The following FCRL6 variants were observed in gnomAD, a reference collection of about 807,000 sequenced individuals.
FCRL6 encodes the protein Fc receptor like 6.
FCRL6 carries 50 observed loss-of-function variants against 49.1 expected under a neutral mutation model. The observed-to-expected ratio is 1.02, with a 90% CI of 0.81 to 1.29. FCRL6 has a LOEUF of 1.29. Ranked by LOEUF, FCRL6 falls within the 50% of genes most tolerant of loss-of-function variation. The pLI is 0.00. For missense variants in FCRL6, 571 were observed against 518.5 expected (o/e 1.10, Z -0.98); for synonymous variants, 213 against 199.6 (o/e 1.07, Z -0.57).
rs776602903 is a variant in FCRL6, at chr1:159,815,447, C to T, written c.1167C>T (p.Thr389=). The change falls in exon 9 of 10, where the codon ACC becomes ACT. Residue 389 remains threonine, a synonymous_variant. Coordinates refer to ENST00000368106, the MANE Select transcript of FCRL6 (RefSeq NM_001004310.3). ...KRSEARSAEF[T]VGRKDSSIIC... is the part of the protein sequence containing the mutation. ...CCACAGCCAGGTCTGCTGAGTTCAC[C>T]GTGGGGAGAAAGGTGAGCTGGGATC... is the stretch of plus-strand genomic sequence containing the variant. 57 of 1,614,088 alleles carry T rather than the reference C, an allele frequency of 3.5e-5. No homozygotes were observed. The highest frequency in any genetic ancestry group is 4.2e-5 in the Non-Finnish European group (49 of 1,179,956).
chr1:159,808,530 C>A (rs1176786507), intron 3 of FCRL6, 86 bp downstream of exon 3: 2 of 1,526,886 alleles, frequency 1.3e-6, no homozygotes, highest in East Asian at 2.3e-5. Flanking sequence ...CTGGGCTGGA[C>A]CCCTGTCTCT....
chr1:159,813,057 G>A (rs923264323), intron 6 of FCRL6, among the ~76,000 whole-genome samples: 11 of 152,190 alleles, frequency 7.2e-5, no homozygotes, highest in Admixed American at 5.9e-4. Context: ...CAAAGAATTA[G>A]GAAGAGAGGT....
At chr1:159,811,218 C>G (rs1441199240) in intron 6 of FCRL6, among the ~76,000 whole-genome samples, 2 of 152,214 alleles carry the variant, frequency 1.3e-5, no homozygotes, top group African/African-American at 4.8e-5. Context: ...TATTCCAACT[C>G]TAACCTTTGC....
rs1246671412 is a variant in FCRL6 at position 159,809,021 on chromosome 1, T to C, written c.380T>C (p.Leu127Pro). The C allele has an allele frequency of 4.3e-6, 7 of 1,614,000 alleles. No individual in the cohort carries two copies. Among genetic ancestry groups the C allele is most frequent in the Middle Eastern group, 1.7e-4 (1 of 6,060 alleles). ...TCTCCTGAGCCCCGAGAGGGTAGCCTGGTGACCCTGAGATGTCAGACAAAG... is the reference window on the plus strand; with the variant it reads ...TCTCCTGAGCCCCGAGAGGGTAGCCCGGTGACCCTGAGATGTCAGACAAAG... The part of the protein sequence containing the change: ...IPSPEPREGS[L>P]VTLRCQTKLH... The change falls in exon 4 of 10, where the codon CTG becomes CCG. Residue 127 changes from leucine to proline, a missense_variant. Coordinates refer to ENST00000368106, the MANE Select transcript of FCRL6 (RefSeq NM_001004310.3).
In FCRL6 at chr1:159,802,361, TCTGCCGGCTTCGCC is replaced by T. The variant is rs1169325063; in HGVS notation, c.-60_-47del. ...CTTCGGTCCTGAGGCCTGGTTGCTCTCTGCCGGCTTCGCCCTGACCTGTTTCTGACCTGTGTTCC... is the reference window on the plus strand; with the variant it reads ...CTTCGGTCCTGAGGCCTGGTTGCTCTCTGACCTGTTTCTGACCTGTGTTCC... On this transcript the variant is annotated 5_prime_UTR_variant, in exon 1 of 10. Coordinates refer to ENST00000368106, the MANE Select transcript of FCRL6 (RefSeq NM_001004310.3). 3.7e-6 allele frequency: 6 copies of T among 1,602,006 alleles called. No homozygotes were observed. Among genetic ancestry groups the T allele is most frequent in the Non-Finnish European group, 5.1e-6 (6 of 1,172,670 alleles).
rs1571100217 is a variant in FCRL6, at chr1:159,808,594, T to A, written c.319+150T>A. 4 of 797,924 alleles carry A rather than the reference T, an allele frequency of 5.0e-6. No homozygotes were observed. The East Asian group carries it at 8.0e-5, about 16-fold the overall frequency. The allele number at this position is 797,924 out of a possible 1,614,324, so 49.4% of individuals were successfully genotyped here. On this transcript the variant is annotated intron_variant, in intron 3 of 9. Coordinates refer to ENST00000368106, the MANE Select transcript of FCRL6 (RefSeq NM_001004310.3). ...GGGGCCCCGAGGTTTCCCAAGATGT[T>A]GTCTCAATACCCCCCTCTCCCCACC...
At chr1:159,808,650 G>T (rs184127747) in intron 3 of FCRL6, 20 of 646,068 alleles carry the variant, frequency 3.1e-5, no homozygotes, top group South Asian at 1.9e-4. Flanking sequence ...GGGGAAGGAG[G>T]GGGGAGATTC....
At chr1:159,814,402 A>G (rs1028093137) in intron 8 of FCRL6, 110 bp downstream of exon 8, 108 of 753,920 alleles carry the variant, frequency 1.4e-4, no homozygotes, top group East Asian at 5.2e-5. Context: ...TGTGACCACC[A>G]TCACTATCAC....
intron 6 of FCRL6, among the ~76,000 whole-genome samples, chr1:159,813,275 T>C (rs549231070): frequency 6.6e-6 from 1 of 152,308 alleles, no homozygotes; most frequent in South Asian, 2.1e-4. Flanking sequence ...TACTTCCTCC[T>C]AGTTTGTGAT....
chr1:159,804,479 C>T lies in FCRL6; in HGVS notation c.31+2024C>T, dbSNP rs191079821. On this transcript the variant is annotated intron_variant, in intron 1 of 9. Coordinates refer to ENST00000368106, the MANE Select transcript of FCRL6 (RefSeq NM_001004310.3). The stretch of plus-strand genomic sequence containing the variant: ...GCCTTCATTTTTCGGAATTCTATTA[C>T]GCAACTTGGTTTGACCATAGCTCTT... Among the ~76,000 whole-genome samples the T allele has an allele frequency of 5.5e-3, 832 of 152,324 alleles. 5 individuals carry two copies. The highest frequency in any genetic ancestry group is 0.027 in the Middle Eastern group (8 of 294).
Position 159,809,621 on chromosome 1 carries a change from C to T in FCRL6, c.824C>T (p.Ser275Phe), listed in dbSNP as rs750825547. The T allele has an allele frequency of 5.6e-6, 9 of 1,614,168 alleles. No individual in the cohort carries two copies. Among genetic ancestry groups the T allele is most frequent in the Non-Finnish European group, 7.6e-6 (9 of 1,180,022 alleles). Residue 275 changes from serine (S) to phenylalanine (F), a missense_variant, in exon 5 of 10, where the codon TCC becomes TTC. Transcript: ENST00000368106. Reference protein sequence around the residue: ...VKSEQDAGNYSCEAENSVSRE... With the variant: ...VKSEQDAGNYFCEAENSVSRE... ...TCAGAACAGGATGCTGGGAACTACTCCTGCGAGGCTGAGAACAGTGTCTCC... is the reference window on the plus strand; with the variant it reads ...TCAGAACAGGATGCTGGGAACTACTTCTGCGAGGCTGAGAACAGTGTCTCC...
intron 1 of FCRL6, among the ~76,000 whole-genome samples, chr1:159,804,082 C>T (rs1170417648): frequency 3.3e-5 from 5 of 152,108 alleles, no homozygotes; most frequent in Admixed American, 2.6e-4. Context: ...TGAACATTAG[C>T]CAACTTCCCT....
Position 159,809,012 on chromosome 1 carries a change from A to G in FCRL6, c.371A>G (p.Glu124Gly), listed in dbSNP as rs771218895. The G allele has an allele frequency of 2.5e-6, 4 of 1,613,682 alleles. No homozygotes were observed. The highest frequency in any genetic ancestry group is 2.5e-6 in the Non-Finnish European group (3 of 1,179,876). The part of the protein sequence containing the change: ...LSAIPSPEPR[E>G]GSLVTLRCQT... The stretch of plus-strand genomic sequence containing the variant: ...GCCATCCCCTCTCCTGAGCCCCGAG[A>G]GGGTAGCCTGGTGACCCTGAGATGT... The change falls in exon 4 of 10, where the codon GAG (glutamate) becomes GGG (glycine). Residue 124 changes from glutamate to glycine, a missense_variant. Transcript: ENST00000368106.
intron 7 of FCRL6, among the ~76,000 whole-genome samples, chr1:159,813,770 G>A (rs1272583418): frequency 2.0e-5 from 3 of 152,194 alleles, no homozygotes; most frequent in Admixed American, 1.3e-4. Context: ...TGCAGGAGAC[G>A]GGGCAGGGAA....
intron 6 of FCRL6, among the ~76,000 whole-genome samples, chr1:159,812,307 G>T (rs1571110850): frequency 1.3e-5 from 2 of 152,310 alleles, no homozygotes; most frequent in South Asian, 2.1e-4. Flanking sequence ...ACCCAGCTCT[G>T]GGAGACTCAC....
intron 1 of FCRL6, among the ~76,000 whole-genome samples, chr1:159,805,524 C>G (rs1210079999): frequency 6.6e-6 from 1 of 152,206 alleles, no homozygotes; most frequent in Non-Finnish European, 1.5e-5. Context: ...GCTTCATATC[C>G]AGCTATGACC....
intron 1 of FCRL6, among the ~76,000 whole-genome samples, chr1:159,803,473 A>G (rs1330995923): frequency 6.6e-6 from 1 of 152,134 alleles, no homozygotes; most frequent in African/African-American, 2.4e-5. Context: ...CTTCCACTCA[A>G]TGTTCCTTCT....
At position 159,813,348 on chromosome 1, in the gene FCRL6, G is replaced by A. The variant is rs1663193884; in HGVS notation, c.1010-141G>A. ...ATCCCATAAAAATCAACCATGTCCAGACCTGTGAACTAGCCCTCCTAACCA... is the reference window on the plus strand; with the variant it reads ...ATCCCATAAAAATCAACCATGTCCAAACCTGTGAACTAGCCCTCCTAACCA... On this transcript the variant is annotated intron_variant, in intron 6 of 9. Coordinates refer to ENST00000368106, the MANE Select transcript of FCRL6 (RefSeq NM_001004310.3). 4 of 680,304 alleles carry A rather than the reference G, an allele frequency of 5.9e-6. No homozygotes were observed. The South Asian group carries it at 6.9e-5, about 12-fold the overall frequency. 42.1% of individuals were successfully genotyped at this position (680,304 alleles called of 1,614,324 possible). A position where few individuals can be genotyped will look rare whatever the true frequency, so the allele number is the denominator to read the frequency against.
rs1323353869 is a variant in FCRL6 at position 159,815,438 on chromosome 1, T to G, written c.1158T>G (p.Ala386=). 6.2e-7 allele frequency: 1 copy of G among 1,614,080 alleles called. No homozygotes were observed. Among genetic ancestry groups the G allele is most frequent in the Admixed American group, 1.7e-5 (1 of 60,028 alleles). Residue 386 remains alanine, a synonymous_variant, in exon 9 of 10, where the codon GCT becomes GCG. Coordinates refer to ENST00000368106, the MANE Select transcript of FCRL6 (RefSeq NM_001004310.3). ...ATTCTTTCCCCACAGCCAGGTCTGC[T>G]GAGTTCACCGTGGGGAGAAAGGTGA... is the stretch of plus-strand genomic sequence containing the variant. ...RTSKRSEARS[A]EFTVGRKDSS...
Sources: gnomAD v4.1 joint callset for allele counts (sites outside exome capture counted in the v4.1 genomes callset) on GRCh38, gnomAD v4.1.1 for gene constraint, MANE v1.5 for transcripts, NCBI Gene and HGNC (gene_info 2026-07-23, HGNC 2026-07-21) for gene names.